The following BEND7 variants were observed in gnomAD, a reference collection of about 807,000 sequenced individuals.
BEND7 encodes BEN domain containing 7.
BEND7 carries 28 observed loss-of-function variants against 50.9 expected under a neutral mutation model. The ratio of observed to expected loss-of-function variants is 0.55; its 90% CI spans 0.41 to 0.75. BEND7 has a LOEUF of 0.75. Ranked by LOEUF, BEND7 falls within the 30% of genes least tolerant of loss-of-function variation. BEND7 has a pLI of 0.00. For synonymous variants in BEND7, 170 were observed against 183.9 expected, an observed-to-expected ratio of 0.92 and a Z score of 0.61; for missense variants, 477 against 491.3, an observed-to-expected ratio of 0.97 and a Z score of 0.28.
chr10:13,525,220 C>G (rs1392194390), intron 2 of BEND7, among the ~76,000 whole-genome samples: 5 of 152,232 alleles, frequency 3.3e-5, no homozygotes, highest in Non-Finnish European at 5.9e-5. Flanking sequence ...ACTCTCCACC[C>G]TGACCTTATG....
intron 3 of BEND7, among the ~76,000 whole-genome samples, chr10:13,497,489 G>A (rs2132128939): frequency 6.6e-6 from 1 of 152,318 alleles, no homozygotes; most frequent in East Asian, 1.9e-4. Flanking sequence ...ATGCGTTCGA[G>A]GGTATTGGTG....
At chr10:13,448,078 G>A (rs1336142449) in intron 7 of BEND7, among the ~76,000 whole-genome samples, 3 of 152,196 alleles carry the variant, frequency 2.0e-5, no homozygotes, top group Non-Finnish European at 4.4e-5. Flanking sequence ...TGGTCATGAA[G>A]AAGGAATAGG....
intron 6 of BEND7, among the ~76,000 whole-genome samples, chr10:13,462,656 G>A (rs1346370358): frequency 6.6e-6 from 1 of 152,120 alleles, no homozygotes; most frequent in African/African-American, 2.4e-5. Flanking sequence ...AAATAGAACA[G>A]ATAAGGGATA....
intron 2 of BEND7, among the ~76,000 whole-genome samples, chr10:13,522,364 CA>C (rs896762236): frequency 6.6e-6 from 1 of 152,186 alleles, no homozygotes; most frequent in Non-Finnish European, 1.5e-5. Context: ...CTCCACAGGG[CA>C]GAGGGGAAAG....
chr10:13,449,918 T>G (rs1837321928), intron 7 of BEND7, among the ~76,000 whole-genome samples: 1 of 152,228 alleles, frequency 6.6e-6, no homozygotes, highest in Admixed American at 6.5e-5. Flanking sequence ...GCTCACAGTC[T>G]TTCTTCCCCG....
intron 2 of BEND7, among the ~76,000 whole-genome samples, chr10:13,517,406 T>C (rs1430783433): frequency 1.3e-5 from 2 of 152,016 alleles, no homozygotes; most frequent in African/African-American, 2.4e-5. Flanking sequence ...CTCGAAGAAG[T>C]AGACGGAGGC....
chr10:13,492,921 C>G, intron 4 of BEND7, 45 bp from the exon 5 acceptor site: 1 of 1,568,976 alleles, frequency 6.4e-7, no homozygotes, highest in Non-Finnish European at 8.6e-7. Flanking sequence ...GTGTGTCTGA[C>G]TTAGGAAAAC....
At chr10:13,461,222 T>C (rs1840138994) in intron 6 of BEND7, among the ~76,000 whole-genome samples, 2 of 152,200 alleles carry the variant, frequency 1.3e-5, no homozygotes, top group Admixed American at 6.5e-5. Context: ...AGCCTGCGAC[T>C]GTCCTGAGGC....
Position 13,528,698 on chromosome 10 carries a change from C to T in BEND7, c.-165G>A. 5.4e-6 allele frequency: 1 copy of T among 183,832 alleles called. No homozygotes were observed. Among genetic ancestry groups the T allele is most frequent in the Non-Finnish European group, 1.0e-5 (1 of 99,242 alleles). The allele number at this position is 183,832 out of a possible 1,614,324, so 11.4% of individuals were successfully genotyped here. On this transcript the variant is annotated 5_prime_UTR_variant, in exon 1 of 9. Coordinates refer to ENST00000466271, the MANE Select transcript of BEND7 (RefSeq NM_001369863.1). ...AGGGGAGGCCGCGGGACGGGAGGAA[C>T]CACCGCGAGCCGGCTCGGGGCTGCA...
Position 13,441,668 on chromosome 10 carries a change from C to T in BEND7, c.*75G>A. 1.9e-6 allele frequency: 3 copies of T among 1,609,078 alleles called. No individual in the cohort carries two copies. In the South Asian group the frequency reaches 3.3e-5, roughly 18 times the overall value. ...TTCTCCCTTCCCTTGGGTAGTAGCT[C>T]CTTGTGGGAGGCAGAGGACGGATTT... On this transcript the variant is annotated 3_prime_UTR_variant, in exon 9 of 9. Transcript: ENST00000466271.
chr10:13,488,695 G>A (rs1054949493), intron 5 of BEND7, among the ~76,000 whole-genome samples: 14 of 152,076 alleles, frequency 9.2e-5, no homozygotes, highest in African/African-American at 3.1e-4. Flanking sequence ...CACCATGTTG[G>A]CCAGGACTGT....
intron 7 of BEND7, among the ~76,000 whole-genome samples, chr10:13,451,189 C>T (rs773746358): frequency 1.9e-4 from 29 of 151,044 alleles, no homozygotes; most frequent in Non-Finnish European, 3.4e-4. Flanking sequence ...AATTTCTCCA[C>T]CTTTTTTTTT....
intron 5 of BEND7, among the ~76,000 whole-genome samples, chr10:13,482,860 C>T (rs559519520): frequency 5.7e-4 from 87 of 152,288 alleles, no homozygotes; most frequent in African/African-American, 2.0e-3. Flanking sequence ...ACATACCAGG[C>T]ACTCAATATG....
intron 6 of BEND7, among the ~76,000 whole-genome samples, chr10:13,455,118 G>T (rs7916010): frequency 6.6e-6 from 1 of 152,112 alleles, no homozygotes; most frequent in Non-Finnish European, 1.5e-5. Context: ...GTTGCAGTGA[G>T]CCGAGAACGC....
intron 5 of BEND7, among the ~76,000 whole-genome samples, chr10:13,489,439 G>A (rs2076488994): frequency 6.6e-6 from 1 of 152,184 alleles, no homozygotes; most frequent in South Asian, 2.1e-4. Context: ...GACAAGGGCA[G>A]ATGACAGACC....
At chr10:13,499,317 GC>G (rs2077267607) in intron 3 of BEND7, among the ~76,000 whole-genome samples, 1 of 151,942 alleles carries the variant, frequency 6.6e-6, no homozygotes, top group South Asian at 2.1e-4. Flanking sequence ...TGGGTTATCG[GC>G]CCCCCACCCC....
At chr10:13,447,637 G>A (rs374627239) in intron 7 of BEND7, among the ~76,000 whole-genome samples, 115 of 146,508 alleles carry the variant, frequency 7.8e-4, no homozygotes, top group African/African-American at 1.9e-3. Flanking sequence ...TCCGCCTCCC[G>A]GGTTCACGCC....
At chr10:13,506,848 T>A (rs541808540) in intron 2 of BEND7, among the ~76,000 whole-genome samples, 84 of 151,886 alleles carry the variant, frequency 5.5e-4, no homozygotes, top group African/African-American at 2.0e-3. Context: ...GCGGGAAGAA[T>A]CCATGAATGA....
chr10:13,449,717 C>T (rs1837279989), intron 7 of BEND7, among the ~76,000 whole-genome samples: 1 of 152,040 alleles, frequency 6.6e-6, no homozygotes, highest in Admixed American at 6.5e-5. Flanking sequence ...ATTCAGCTAT[C>T]CTCCCTTTGA....
Sources: allele counts gnomAD v4.1 joint callset (sites outside exome capture counted in the v4.1 genomes callset), GRCh38; gene constraint gnomAD v4.1.1; transcripts MANE v1.5; gene names NCBI Gene and HGNC (gene_info 2026-07-23, HGNC 2026-07-21).